The following LPAR3 variants were observed in gnomAD, a reference collection of about 807,000 sequenced individuals.
The protein encoded by LPAR3 is lysophosphatidic acid receptor 3.
Under a neutral mutation model 17.8 loss-of-function variants are expected in LPAR3, and 7 were observed. That is an observed-to-expected ratio of 0.39 (90% CI 0.22 to 0.74). LPAR3 has a LOEUF of 0.74. Ranked by LOEUF, LPAR3 falls within the 30% of genes least tolerant of loss-of-function variation. The pLI is 0.40. For synonymous variants in LPAR3, 179 were observed against 179.9 expected, an observed-to-expected ratio of 0.99 and a Z score of 0.04; for missense variants, 391 against 453.4, an observed-to-expected ratio of 0.86 and a Z score of 1.25.
rs1021516040 is a variant in LPAR3 at position 84,821,193 on chromosome 1, G to A, written c.737-7022C>T. Among the ~76,000 whole-genome samples, 32 of 149,520 alleles carry A rather than the reference G, an allele frequency of 2.1e-4. 1 individual carries two copies. The highest frequency in any genetic ancestry group is 7.7e-4 in the African/African-American group (31 of 40,450). ...ATACTTTTCCCAAAGGAAATATCTC[G>A]TTAAACTTCAAAATCAGAGCTGCTC... On this transcript the variant is annotated intron_variant, in intron 2 of 2. Coordinates refer to ENST00000370611, the MANE Select transcript of LPAR3 (RefSeq NM_012152.3).
chr1:84,867,319 A>AC (rs1175841307), intron 1 of LPAR3, among the ~76,000 whole-genome samples: 1 of 152,176 alleles, frequency 6.6e-6, no homozygotes. Flanking sequence ...TGGAAGAATG[A>AC]CCATCTGCTC....
intron 2 of LPAR3, among the ~76,000 whole-genome samples, chr1:84,836,451 C>T (rs1031984855): frequency 2.0e-5 from 3 of 151,724 alleles, no homozygotes; most frequent in South Asian, 4.1e-4. Flanking sequence ...TATAAAACCA[C>T]TCATGTATAA....
At chr1:84,877,446 C>T (rs972964952) in intron 1 of LPAR3, among the ~76,000 whole-genome samples, 19 of 152,158 alleles carry the variant, frequency 1.2e-4, no homozygotes, top group African/African-American at 4.3e-4. Flanking sequence ...GACACAGTCC[C>T]CAAGTAGACA....
At chr1:84,839,860 A>G (rs1659475825) in intron 2 of LPAR3, among the ~76,000 whole-genome samples, 1 of 152,192 alleles carries the variant, frequency 6.6e-6, no homozygotes, top group South Asian at 2.1e-4. Flanking sequence ...CATACTTCAT[A>G]TAAAAATTAA....
At chr1:84,876,174 C>T (rs1383661658) in intron 1 of LPAR3, among the ~76,000 whole-genome samples, 1 of 152,176 alleles carries the variant, frequency 6.6e-6, no homozygotes, top group African/African-American at 2.4e-5. Context: ...GAGGAAGGCT[C>T]ATATCTCATA....
In LPAR3 at chr1:84,813,814, G is replaced by T; in HGVS notation, c.*32C>A. 1 of 1,554,434 alleles carries T rather than the reference G, an allele frequency of 6.4e-7. No homozygotes were observed. ...ATTCTTAACAGCTCTTTTCCCAGAGGAGGCCTGGGTGGGCCGAGAGGCATC... is the reference window on the plus strand; with the variant it reads ...ATTCTTAACAGCTCTTTTCCCAGAGTAGGCCTGGGTGGGCCGAGAGGCATC... On this transcript the variant is annotated 3_prime_UTR_variant, in exon 3 of 3. Coordinates refer to ENST00000370611, the MANE Select transcript of LPAR3 (RefSeq NM_012152.3).
At chr1:84,880,127 C>T (rs544461400) in intron 1 of LPAR3, among the ~76,000 whole-genome samples, 11 of 151,984 alleles carry the variant, frequency 7.2e-5, no homozygotes, top group East Asian at 1.9e-4. Context: ...GTCGGGAGTT[C>T]GAGACCAGCC....
rs144665739 is a variant in LPAR3, at chr1:84,888,472, G to C, written c.-19+4544C>G. Among the ~76,000 whole-genome samples, 469 of 152,252 alleles carry C rather than the reference G, an allele frequency of 3.1e-3. 1 individual carries two copies. The highest frequency in any genetic ancestry group is 0.011 in the African/African-American group (453 of 41,530). On this transcript the variant is annotated intron_variant, in intron 1 of 2. Transcript: ENST00000370611. ...AACTAGTCACTGCCAATGGCTTTGA[G>C]TCTTAACTCTGGCTTTCTACCTCCT... is the stretch of plus-strand genomic sequence containing the variant.
chr1:84,841,958 C>A (rs1659511091), intron 2 of LPAR3, among the ~76,000 whole-genome samples: 2 of 151,984 alleles, frequency 1.3e-5, no homozygotes, highest in Admixed American at 6.6e-5. Context: ...GAGCTACTGG[C>A]TGCCATGTTC....
At chr1:84,869,520 C>T (rs1387029892) in intron 1 of LPAR3, among the ~76,000 whole-genome samples, 3 of 151,916 alleles carry the variant, frequency 2.0e-5, no homozygotes, top group Admixed American at 2.0e-4. Context: ...TGCGGTAATA[C>T]AAGAAAAAGC....
At chr1:84,878,599 A>C (rs1348900752) in intron 1 of LPAR3, among the ~76,000 whole-genome samples, 4 of 152,208 alleles carry the variant, frequency 2.6e-5, no homozygotes, top group Non-Finnish European at 5.9e-5. Flanking sequence ...AGGCACCATG[A>C]GGGCAGCATG....
chr1:84,819,255 T>C (rs1218377582), intron 2 of LPAR3, among the ~76,000 whole-genome samples: 1 of 152,244 alleles, frequency 6.6e-6, no homozygotes, highest in Non-Finnish European at 1.5e-5. Context: ...CTCTTGAGAA[T>C]AGCAGAGAGA....
At chr1:84,885,281 T>C (rs1052717356) in intron 1 of LPAR3, among the ~76,000 whole-genome samples, 9 of 152,148 alleles carry the variant, frequency 5.9e-5, no homozygotes, top group Non-Finnish European at 1.2e-4. Flanking sequence ...AGATGAGACA[T>C]ATAATACAGG....
intron 1 of LPAR3, among the ~76,000 whole-genome samples, chr1:84,876,930 T>C (rs1660271331): frequency 6.6e-6 from 1 of 152,158 alleles, no homozygotes; most frequent in South Asian, 2.1e-4. Flanking sequence ...AAAACCCTAG[T>C]AAATTTCTCT....
intron 2 of LPAR3, among the ~76,000 whole-genome samples, chr1:84,817,817 A>G (rs1658971025): frequency 6.6e-6 from 1 of 150,956 alleles, no homozygotes; most frequent in South Asian, 2.1e-4. Flanking sequence ...AAAAAAAAAA[A>G]TCTTTCCTTT....
intron 2 of LPAR3, among the ~76,000 whole-genome samples, chr1:84,845,538 G>T (rs1284577797): frequency 2.0e-5 from 3 of 152,186 alleles, no homozygotes; most frequent in African/African-American, 7.2e-5. Flanking sequence ...ATAGTCAGGA[G>T]CAGTAATAAG....
intron 1 of LPAR3, among the ~76,000 whole-genome samples, chr1:84,880,370 G>C (rs1432633983): frequency 6.6e-6 from 1 of 152,212 alleles, no homozygotes; most frequent in African/African-American, 2.4e-5. Context: ...GGAAAGGAAT[G>C]GACAGTGTCC....
chr1:84,829,479 A>G (rs1659240289), intron 2 of LPAR3, among the ~76,000 whole-genome samples: 1 of 152,012 alleles, frequency 6.6e-6, no homozygotes, highest in Non-Finnish European at 1.5e-5. Context: ...TTTGATGACC[A>G]TATCTGCTTC....
At chr1:84,883,672 A>C (rs1181357364) in intron 1 of LPAR3, among the ~76,000 whole-genome samples, 1 of 151,592 alleles carries the variant, frequency 6.6e-6, no homozygotes, top group East Asian at 1.9e-4. Flanking sequence ...GAAATTGGGG[A>C]CTGATTCACC....
Sources: gnomAD v4.1 joint callset for allele counts (sites outside exome capture counted in the v4.1 genomes callset) on GRCh38, gnomAD v4.1.1 for gene constraint, MANE v1.5 for transcripts, NCBI Gene and HGNC (gene_info 2026-07-23, HGNC 2026-07-21) for gene names.